ZSCAN26: variants seen among roughly 807,000 people sequenced by gnomAD.
ZSCAN26 encodes the protein zinc finger and SCAN domain containing 26, also known as zinc finger and SCAN domain-containing protein 26.
A neutral mutation model predicts 23.0 loss-of-function variants in ZSCAN26; 26 were observed. The ratio of observed to expected loss-of-function variants is 1.13; its 90% CI spans 0.83 to 1.57. ZSCAN26 has a LOEUF of 1.57. Among genes scored for constraint, ZSCAN26 ranks in the 40% most tolerant of loss-of-function variants. The pLI, the probability that ZSCAN26 is intolerant of heterozygous loss-of-function variation, is 0.00. For missense variants in ZSCAN26, 528 were observed against 568.5 expected (o/e 0.93, Z 0.72); for synonymous variants, 180 against 202.5 (o/e 0.89, Z 0.94).
chr6:28,268,275 T>G (rs372029628), intron 1 of ZSCAN26, among the ~76,000 whole-genome samples: 24 of 152,212 alleles, frequency 1.6e-4, no homozygotes, highest in African/African-American at 5.3e-4. Context: ...GAGTGGGCAT[T>G]AACAAGAAGA....
At position 28,277,124 on chromosome 6, in the gene ZSCAN26, A is replaced by G. The variant is rs1486982483; in HGVS notation, c.*28A>G. ...AGGTGTTCTCTCCTTGTAGAACATC[A>G]GAGAAGGCACATTGACTAGCAAACA... is the stretch of plus-strand genomic sequence containing the variant. On this transcript the variant is annotated 3_prime_UTR_variant, in exon 4 of 4. Transcript: ENST00000421553. 1 of 1,588,738 alleles carries G rather than the reference A, an allele frequency of 6.3e-7. No homozygotes were observed. Among genetic ancestry groups the G allele is most frequent in the Non-Finnish European group, 8.6e-7 (1 of 1,169,488 alleles).
chr6:28,267,935 C>T (rs921139327), intron 1 of ZSCAN26, among the ~76,000 whole-genome samples: 2 of 152,000 alleles, frequency 1.3e-5, no homozygotes, highest in Admixed American at 1.3e-4. Flanking sequence ...ATATCTTGAG[C>T]CAGTGATCAG....
intron 3 of ZSCAN26, 26 bp downstream of exon 3, chr6:28,272,813 G>T (rs780887255): frequency 1.5e-5 from 24 of 1,574,198 alleles, no homozygotes; most frequent in Non-Finnish European, 2.0e-5. Flanking sequence ...CATCTTCTGT[G>T]TGTGAGACGT....
intron 2 of ZSCAN26, 140 bp from the exon 3 acceptor site, chr6:28,272,530 C>T: frequency 2.1e-6 from 2 of 966,022 alleles, no homozygotes; most frequent in East Asian, 2.6e-5. Flanking sequence ...TGAATGTGCA[C>T]CAGATTCCCC....
intron 1 of ZSCAN26, among the ~76,000 whole-genome samples, chr6:28,268,618 T>A (rs1197020319): frequency 3.3e-5 from 5 of 152,048 alleles, no homozygotes; most frequent in African/African-American, 1.2e-4. Flanking sequence ...GTGGATTGAT[T>A]TGAGAGATAT....
In ZSCAN26 at chr6:28,277,047, C is replaced by G; in HGVS notation, c.1391C>G (p.Ser464Ter). ...TGTGGAGAAGCCTTCAGGCAAAGGT[C>G]AGGTCTTTTTCAACATCAGAGATAT... is the stretch of plus-strand genomic sequence containing the variant. ...SECGEAFRQR[S>*]GLFQHQRYHH... Residue 464 changes from serine to a stop codon, truncating the protein, a stop_gained, in exon 4 of 4, where the codon TCA becomes TGA. Coordinates refer to ENST00000421553, the MANE Select transcript of ZSCAN26 (RefSeq NM_001023560.4). LOFTEE classifies it high-confidence loss of function. 2 of 1,613,876 alleles carry G rather than the reference C, an allele frequency of 1.2e-6. No individual in the cohort carries two copies. Among genetic ancestry groups the G allele is most frequent in the Non-Finnish European group, 1.7e-6 (2 of 1,179,864 alleles).
At chr6:28,268,861 C>G (rs1341617704) in intron 1 of ZSCAN26, among the ~76,000 whole-genome samples, 1 of 152,040 alleles carries the variant, frequency 6.6e-6, no homozygotes, top group African/African-American at 2.4e-5. Context: ...GCCTGTAATC[C>G]CAGCACTTCG....
At chr6:28,270,008 A>G (rs1444867202) in intron 1 of ZSCAN26, among the ~76,000 whole-genome samples, 1 of 152,026 alleles carries the variant, frequency 6.6e-6, no homozygotes, top group Non-Finnish European at 1.5e-5. Context: ...CAGTGGTGTG[A>G]TCTCAGCTCA....
Position 28,272,806 on chromosome 6 carries a change from C to T in ZSCAN26, c.538+19C>T. The stretch of plus-strand genomic sequence containing the variant: ...GAGAAGGGTAAGAATTGGATTGCAT[C>T]TTCTGTGTGTGAGACGTGGTGGACT... On this transcript the variant is annotated intron_variant, in intron 3 of 3. Transcript: ENST00000421553. 6.3e-7 allele frequency: 1 copy of T among 1,594,648 alleles called. No homozygotes were observed. The highest frequency in any genetic ancestry group is 8.6e-7 in the Non-Finnish European group (1 of 1,164,014).
chr6:28,274,373 C>T (rs1761851210), intron 3 of ZSCAN26, among the ~76,000 whole-genome samples: 1 of 152,272 alleles, frequency 6.6e-6, no homozygotes, highest in South Asian at 2.1e-4. Flanking sequence ...AAGAAAGGGG[C>T]CTACCTTTTC....
chr6:28,272,833 T>G, intron 3 of ZSCAN26, 46 bp downstream of exon 3: 1 of 1,520,392 alleles, frequency 6.6e-7, no homozygotes, highest in Non-Finnish European at 9.1e-7. Context: ...TGGTGGACTG[T>G]GCCTTTCCCT....
Position 28,277,419 on chromosome 6 carries a change from T to A in ZSCAN26, c.*323T>A, listed in dbSNP as rs1270415491. Reference sequence around the variant, plus strand: ...TGAGTAAGAGTTTTGAAGTCAGCAGTGAATCAAGTGCCCACAGATTTGCAG... The same window carrying A: ...TGAGTAAGAGTTTTGAAGTCAGCAGAGAATCAAGTGCCCACAGATTTGCAG... On this transcript the variant is annotated 3_prime_UTR_variant, in exon 4 of 4. Transcript: ENST00000421553. 6 of 263,330 alleles carry A rather than the reference T, an allele frequency of 2.3e-5. No individual in the cohort carries two copies. The East Asian group carries it at 4.7e-4, about 21-fold the overall frequency. 16.3% of individuals were successfully genotyped at this position (263,330 alleles called of 1,614,324 possible). A position where few individuals can be genotyped will look rare whatever the true frequency, so the allele number is the denominator to read the frequency against.
Position 28,272,272 on chromosome 6 carries a change from G to T in ZSCAN26, c.353G>T (p.Ser118Ile). 6.2e-7 allele frequency: 1 copy of T among 1,605,904 alleles called. No individual in the cohort carries two copies. Among genetic ancestry groups the T allele is most frequent in the East Asian group, 2.2e-5 (1 of 44,720 alleles). Residue 118 changes from serine (S) to isoleucine (I), a missense_variant, in exon 2 of 4, where the codon AGC (serine) becomes ATC (isoleucine). By Grantham distance (142) the Ser-to-Ile change is moderately radical. Coordinates refer to ENST00000421553, the MANE Select transcript of ZSCAN26 (RefSeq NM_001023560.4). ...QARVQEHHPE[S>I]REDVVVVLED... ...CGGGTGCAGGAGCATCACCCAGAGAGCAGGGAGGACGTGGTTGTTGTTCTG... is the reference window on the plus strand; with the variant it reads ...CGGGTGCAGGAGCATCACCCAGAGATCAGGGAGGACGTGGTTGTTGTTCTG...
chr6:28,275,100 C>T (rs1401157252), intron 3 of ZSCAN26, among the ~76,000 whole-genome samples: 1 of 152,096 alleles, frequency 6.6e-6, no homozygotes, highest in Non-Finnish European at 1.5e-5. Context: ...AGCTGTCATC[C>T]ACTCTTTCCT....
rs1380546768 is a variant in ZSCAN26 at position 28,276,906 on chromosome 6, A to G, written c.1250A>G (p.His417Arg). The G allele has an allele frequency of 1.2e-6, 2 of 1,613,924 alleles. No individual in the cohort carries two copies. The highest frequency in any genetic ancestry group is 2.7e-5 in the African/African-American group (2 of 74,942). Residue 417 changes from histidine to arginine, a missense_variant, in exon 4 of 4, where the codon CAT (histidine) becomes CGT (arginine). His to Arg is a conservative substitution (Grantham distance 29, BLOSUM62 0). Coordinates refer to ENST00000421553, the MANE Select transcript of ZSCAN26 (RefSeq NM_001023560.4). ...TSDLIRHHRI[H>R]TGEKPFKCNI... ...GACCTTATTCGACACCACAGAATTCATACTGGAGAAAAACCTTTCAAGTGT... is the reference window on the plus strand; with the variant it reads ...GACCTTATTCGACACCACAGAATTCGTACTGGAGAAAAACCTTTCAAGTGT...
In ZSCAN26 at chr6:28,277,233, C is replaced by G. The variant is rs1761990562; in HGVS notation, c.*137C>G. 1.2e-6 allele frequency: 1 copy of G among 800,724 alleles called. No homozygotes were observed. The highest frequency in any genetic ancestry group is 2.0e-6 in the Non-Finnish European group (1 of 508,842). 49.6% of individuals were successfully genotyped at this position (800,724 alleles called of 1,614,324 possible). On this transcript the variant is annotated 3_prime_UTR_variant, in exon 4 of 4. Transcript: ENST00000421553. ...GTTGGAGGCTCCCTGCCTCTATTCT[C>G]TCTCCTTTGCTTTCCTTGAAGTCAG...
In ZSCAN26 at chr6:28,272,356, C is replaced by T. The variant is rs1192163851; in HGVS notation, c.420+17C>T. 1.3e-6 allele frequency: 2 copies of T among 1,482,038 alleles called. No homozygotes were observed. The highest frequency in any genetic ancestry group is 2.5e-5 in the Admixed American group (1 of 39,912). 91.8% of individuals were successfully genotyped at this position (1,482,038 alleles called of 1,614,324 possible). ...CAACAGGTGGTAAGGGTCAGATGTG[C>T]TCTTTTTCAGGAATGCAGGAATTGA... On this transcript the variant is annotated intron_variant, in intron 2 of 3. Transcript: ENST00000421553.
At position 28,277,006 on chromosome 6, in the gene ZSCAN26, C is replaced by G. The variant is rs192023318; in HGVS notation, c.1350C>G (p.Pro450=). The G allele has an allele frequency of 1.2e-6, 2 of 1,614,002 alleles. No homozygotes were observed. The highest frequency in any genetic ancestry group is 4.5e-5 in the East Asian group (2 of 44,888). Residue 450 remains proline (P), a synonymous_variant, in exon 4 of 4, where the codon CCC becomes CCG. Transcript: ENST00000421553. ...QHVRIHNEEK[P]YQCSECGEAF... Reference sequence around the variant, plus strand: ...TAAGAATCCACAATGAAGAAAAACCCTATCAGTGTAGTGAATGTGGAGAAG... The same window carrying G: ...TAAGAATCCACAATGAAGAAAAACCGTATCAGTGTAGTGAATGTGGAGAAG...
intron 1 of ZSCAN26, among the ~76,000 whole-genome samples, chr6:28,270,117 G>T (rs911224173): frequency 6.6e-6 from 1 of 151,954 alleles, no homozygotes; most frequent in Non-Finnish European, 1.5e-5. Flanking sequence ...CTCATTTTTT[G>T]TATTTTTAGT....
Sources: gnomAD v4.1 joint callset for allele counts (sites outside exome capture counted in the v4.1 genomes callset) on GRCh38, gnomAD v4.1.1 for gene constraint, MANE v1.5 for transcripts, NCBI Gene and HGNC (gene_info 2026-07-23, HGNC 2026-07-21) for gene names.